Variants in SYT16 observed in about 807,000 individuals in gnomAD.
SYT16 encodes synaptotagmin 16.
A neutral mutation model predicts 61.4 loss-of-function variants in SYT16; 42 were observed. The ratio of observed to expected loss-of-function variants is 0.68; its 90% CI spans 0.53 to 0.89. The LOEUF is 0.89. Ranked by LOEUF, SYT16 falls within the 40% of genes least tolerant of loss-of-function variation. The pLI is 0.00. For synonymous variants in SYT16, 314 were observed against 302.3 expected (o/e 1.04, Z -0.40); for missense variants, 804 against 807.3 (o/e 1.00, Z 0.05).
Position 61,901,758 on chromosome 14 carries a change from TA to T in SYT16, c.-324-68372del, listed in dbSNP as rs1566664943. On this transcript the variant is annotated intron_variant, in intron 1 of 7. Coordinates refer to ENST00000683842, the MANE Select transcript of SYT16 (RefSeq NM_001367656.1). ...CATCTGCTTATAATAATAATAATAATAATAATTATTATTATTATTATTTTTT... is the reference window on the plus strand; with the variant it reads ...CATCTGCTTATAATAATAATAATAATATAATTATTATTATTATTATTTTTT... 2.9e-3 allele frequency among the ~76,000 whole-genome samples: 423 copies of T among 147,120 alleles called. 2 individuals carry two copies. The highest frequency in any genetic ancestry group is 9.7e-3 in the African/African-American group (386 of 39,882).
At chr14:61,936,591 T>TTAGAA in intron 1 of SYT16, among the ~76,000 whole-genome samples, 1 of 152,276 alleles carries the variant, frequency 6.6e-6, no homozygotes, top group East Asian at 1.9e-4. Flanking sequence ...AATTTGCATT[T>TTAGAA]TAGAATGTAA....
intron 3 of SYT16, among the ~76,000 whole-genome samples, chr14:62,000,381 C>T (rs2052961963): frequency 6.6e-6 from 1 of 151,636 alleles, no homozygotes; most frequent in Non-Finnish European, 1.5e-5. Context: ...AATACAGCTG[C>T]TCCAACTTTC....
At chr14:61,837,474 A>C (rs562812884) in intron 1 of SYT16, among the ~76,000 whole-genome samples, 1 of 152,144 alleles carries the variant, frequency 6.6e-6, no homozygotes, top group East Asian at 1.9e-4. Flanking sequence ...CCTGGCTTCA[A>C]GTGATCCTCC....
chr14:61,901,089 A>T (rs912137944), intron 1 of SYT16, among the ~76,000 whole-genome samples: 1 of 152,184 alleles, frequency 6.6e-6, no homozygotes, highest in Admixed American at 6.5e-5. Flanking sequence ...CTCGTGATTC[A>T]GCCACCTTCA....
chr14:62,042,175 CTT>C (rs994038973), intron 3 of SYT16, among the ~76,000 whole-genome samples: 3 of 151,214 alleles, frequency 2.0e-5, no homozygotes, highest in Non-Finnish European at 4.4e-5. Context: ...TTTTCTTTTG[CTT>C]TTTTTTGTGG....
At chr14:61,941,184 A>C (rs2140450569) in intron 1 of SYT16, among the ~76,000 whole-genome samples, 1 of 152,300 alleles carries the variant, frequency 6.6e-6, no homozygotes, top group South Asian at 2.1e-4. Context: ...CACAAACGCC[A>C]GCCTCTTTCC....
At chr14:61,898,651 G>T (rs1310699673) in intron 1 of SYT16, among the ~76,000 whole-genome samples, 1 of 152,180 alleles carries the variant, frequency 6.6e-6, no homozygotes, top group Non-Finnish European at 1.5e-5. Context: ...CTTCCAGTGG[G>T]CACAGACACG....
At chr14:61,865,148 C>A in intron 1 of SYT16, 1 of 1,253,056 alleles carries the variant, frequency 8.0e-7, no homozygotes, top group South Asian at 1.2e-5. Flanking sequence ...CGATAAATGC[C>A]GCTCCCTGCA....
At chr14:62,044,214 A>G (rs1214930709) in intron 3 of SYT16, among the ~76,000 whole-genome samples, 1 of 151,916 alleles carries the variant, frequency 6.6e-6, no homozygotes, top group East Asian at 1.9e-4. Context: ...AAAAAAAAAA[A>G]TAGGAAACGA....
intron 3 of SYT16, among the ~76,000 whole-genome samples, chr14:62,034,135 T>C (rs921857692): frequency 6.6e-6 from 1 of 152,162 alleles, no homozygotes; most frequent in Non-Finnish European, 1.5e-5. Context: ...GCAAAGCAGA[T>C]TGAAACCACT....
chr14:62,007,814 A>C (rs2053283240), intron 3 of SYT16, among the ~76,000 whole-genome samples: 1 of 152,056 alleles, frequency 6.6e-6, no homozygotes, highest in Non-Finnish European at 1.5e-5. Flanking sequence ...GATTAGAGGA[A>C]TTAGAGGCAA....
intron 1 of SYT16, chr14:61,865,202 C>G (rs565987343): frequency 8.9e-7 from 1 of 1,126,486 alleles, no homozygotes. Flanking sequence ...TGACTATAAG[C>G]GACTTCTGGA....
intron 1 of SYT16, among the ~76,000 whole-genome samples, chr14:61,817,746 G>T (rs1051741305): frequency 5.8e-4 from 89 of 152,284 alleles, no homozygotes; most frequent in Non-Finnish European, 9.1e-4. Context: ...TTGTATATTG[G>T]ATAATAGCAT....
At chr14:62,088,009 C>G (rs1292488413) in intron 7 of SYT16, among the ~76,000 whole-genome samples, 1 of 152,150 alleles carries the variant, frequency 6.6e-6, no homozygotes, top group Admixed American at 6.5e-5. Context: ...AGAATACATT[C>G]TTGGTGTGAG....
chr14:61,940,724 G>C (rs1191973607), intron 1 of SYT16, among the ~76,000 whole-genome samples: 1 of 152,160 alleles, frequency 6.6e-6, no homozygotes, highest in African/African-American at 2.4e-5. Flanking sequence ...TGGAGATTCA[G>C]ATCTTGCTTG....
At chr14:61,993,804 T>C (rs182568644) in intron 2 of SYT16, among the ~76,000 whole-genome samples, 1 of 152,318 alleles carries the variant, frequency 6.6e-6, no homozygotes. Flanking sequence ...ACTTAACCAA[T>C]TTACTGAGTA....
At chr14:62,079,354 TAAAA>T in intron 5 of SYT16, 1 of 1,217,164 alleles carries the variant, frequency 8.2e-7, no homozygotes, top group Non-Finnish European at 1.1e-6. Flanking sequence ...ATTTGAATCT[TAAAA>T]GAAAAGGATA....
intron 1 of SYT16, among the ~76,000 whole-genome samples, chr14:61,875,783 G>C (rs138545350): frequency 1.3e-4 from 20 of 152,332 alleles, no homozygotes; most frequent in African/African-American, 4.6e-4. Flanking sequence ...TGGGGCCTCT[G>C]TATTCCTTAT....
intron 1 of SYT16, among the ~76,000 whole-genome samples, chr14:61,902,775 G>A (rs2048568205): frequency 6.6e-6 from 1 of 152,226 alleles, no homozygotes; most frequent in Non-Finnish European, 1.5e-5. Flanking sequence ...GGCAGAAGGT[G>A]AAAGGCACTT....
Sources: gnomAD v4.1 joint callset for allele counts (sites outside exome capture counted in the v4.1 genomes callset) on GRCh38, gnomAD v4.1.1 for gene constraint, MANE v1.5 for transcripts, NCBI Gene and HGNC (gene_info 2026-07-23, HGNC 2026-07-21) for gene names.